The following NDUFAF6 variants were observed in gnomAD, a reference collection of about 807,000 sequenced individuals.
NDUFAF6 encodes the protein NADH:ubiquinone oxidoreductase complex assembly factor 6.
A neutral mutation model predicts 40.8 loss-of-function variants in NDUFAF6; 45 were observed. The observed-to-expected ratio is 1.10, with a 90% confidence interval of 0.87 to 1.42. NDUFAF6 has a LOEUF of 1.42. NDUFAF6 is among the 40% of genes most tolerant of loss of function. The pLI, the probability that NDUFAF6 is intolerant of heterozygous loss-of-function variation, is 0.00. For missense variants in NDUFAF6, 435 were observed against 418.5 expected (o/e 1.04, Z -0.34); for synonymous variants, 185 against 155.9 (o/e 1.19, Z -1.39).
chr8:94,970,329 TTAC>T (rs1824367010), intron 1 of NDUFAF6, among the ~76,000 whole-genome samples: 1 of 148,442 alleles, frequency 6.7e-6, no homozygotes, highest in Non-Finnish European at 1.5e-5. Flanking sequence ...TAGCAAAAAG[TTAC>T]TAATATCATT....
At chr8:94,978,497 C>T (rs1468959407) in intron 1 of NDUFAF6, among the ~76,000 whole-genome samples, 3 of 152,120 alleles carry the variant, frequency 2.0e-5, no homozygotes, top group Non-Finnish European at 2.9e-5. Context: ...GGGAGGATCA[C>T]TTGAGCCCAG....
chr8:95,006,656 G>A (rs1042295494), intron 2 of NDUFAF6, among the ~76,000 whole-genome samples: 1 of 151,958 alleles, frequency 6.6e-6, no homozygotes, highest in Admixed American at 6.6e-5. Flanking sequence ...TAAGGCGGGC[G>A]GATCGCTTGA....
intron 1 of NDUFAF6, among the ~76,000 whole-genome samples, chr8:94,972,645 C>G (rs1298831717): frequency 6.6e-6 from 1 of 150,968 alleles, no homozygotes; most frequent in African/African-American, 2.4e-5. Flanking sequence ...AATCTCAGCA[C>G]TTTGGGAGGA....
At chr8:95,015,110 G>A (rs1827385886) in intron 2 of NDUFAF6, among the ~76,000 whole-genome samples, 1 of 152,202 alleles carries the variant, frequency 6.6e-6, no homozygotes. Flanking sequence ...GGATGGATGA[G>A]CATTTACCAA....
intron 2 of NDUFAF6, among the ~76,000 whole-genome samples, chr8:94,987,742 G>A (rs1243308172): frequency 6.6e-6 from 1 of 152,102 alleles, no homozygotes; most frequent in African/African-American, 2.4e-5. Flanking sequence ...AGCAAGAGAT[G>A]AATTGCAAAA....
chr8:95,025,300 G>C lies in NDUFAF6; in HGVS notation c.197+95G>C, dbSNP rs1256773183. 3.3e-6 allele frequency: 4 copies of C among 1,229,026 alleles called. No individual in the cohort carries two copies. The Admixed American group carries it at 1.7e-4, about 52-fold the overall frequency. The allele number at this position is 1,229,026 out of a possible 1,614,324, so 76.1% of individuals were successfully genotyped here. On this transcript the variant is annotated intron_variant, in intron 1 of 8. Coordinates refer to ENST00000396124, the MANE Select transcript of NDUFAF6 (RefSeq NM_152416.4). ...GTCTGGCCTGACGTTTGAGCGAGCG[G>C]ACCGGCGCCTTCCTCGTGCCCCTCT... is the stretch of plus-strand genomic sequence containing the variant.
chr8:95,067,881 C>G (rs1384289886), intron 9 of NDUFAF6: 1 of 151,980 alleles, frequency 6.6e-6, no homozygotes, highest in Non-Finnish European at 1.5e-5. Context: ...ATGAAAGAAC[C>G]AGCTCCCTGT....
rs867638437 is a variant in NDUFAF6 at position 95,069,829 on chromosome 8, T to A, written c.*512-5804T>A. On this transcript the variant is annotated intron_variant and NMD_transcript_variant, in intron 9 of 9. Transcript: ENST00000520757. ...TATATATAAATATATATATATATAA[T>A]ATATATGTATAATATTATTTTTTTC... 2.9e-4 allele frequency among the ~76,000 whole-genome samples: 42 copies of A among 145,284 alleles called. 3 individuals carry two copies. The highest frequency in any genetic ancestry group is 7.3e-4 in the African/African-American group (29 of 39,518).
chr8:95,043,373 G>A lies in NDUFAF6; in HGVS notation c.477+1747G>A, dbSNP rs146540421. Reference sequence around the variant, plus strand: ...CGAAGTGCTGGGATTACAGGCTTGAGCCACCGCGCCCTAGGCAGTGGTTTT... The same window carrying A: ...CGAAGTGCTGGGATTACAGGCTTGAACCACCGCGCCCTAGGCAGTGGTTTT... On this transcript the variant is annotated intron_variant, in intron 4 of 8. Transcript: ENST00000396124. Among the ~76,000 whole-genome samples the A allele has an allele frequency of 1.4e-3, 209 of 152,034 alleles. 1 individual carries two copies. Among genetic ancestry groups the A allele is most frequent in the East Asian group, 0.011 (55 of 5,176 alleles).
intron 9 of NDUFAF6, chr8:95,075,585 A>G: frequency 7.8e-7 from 1 of 1,281,560 alleles, no homozygotes; most frequent in Non-Finnish European, 1.0e-6. Context: ...GTTTCCCTAG[A>G]ATTTTCTAGT....
At chr8:94,979,394 G>C (rs1444016895) in intron 1 of NDUFAF6, among the ~76,000 whole-genome samples, 4 of 152,130 alleles carry the variant, frequency 2.6e-5, no homozygotes, top group African/African-American at 9.7e-5. Flanking sequence ...AGCCTTTAAA[G>C]AGAGGGTCCT....
intron 1 of NDUFAF6, among the ~76,000 whole-genome samples, chr8:94,971,781 T>C (rs1586850231): frequency 1.3e-5 from 2 of 151,976 alleles, no homozygotes; most frequent in Admixed American, 1.3e-4. Flanking sequence ...CTACTAAAAA[T>C]GGAAAAATTG....
At chr8:94,985,478 TATA>T (rs1563770463) in intron 2 of NDUFAF6, among the ~76,000 whole-genome samples, 1 of 2,170 alleles carries the variant, frequency 4.6e-4, no homozygotes, top group Non-Finnish European at 1.2e-3. Flanking sequence ...TATATATATA[TATA>T]TATATATATA....
At chr8:95,005,093 C>A (rs981123972) in intron 2 of NDUFAF6, among the ~76,000 whole-genome samples, 2 of 152,110 alleles carry the variant, frequency 1.3e-5, no homozygotes, top group African/African-American at 4.8e-5. Flanking sequence ...CCAACTTTCC[C>A]ATCCAATCTT....
intron 1 of NDUFAF6, among the ~76,000 whole-genome samples, chr8:94,971,223 A>C (rs967857117): frequency 1.3e-5 from 2 of 152,354 alleles, no homozygotes; most frequent in South Asian, 2.1e-4. Context: ...GGCAATAGGA[A>C]ATTTTGGAGC....
intron 1 of NDUFAF6, among the ~76,000 whole-genome samples, chr8:94,960,865 G>C (rs897521155): frequency 2.0e-5 from 3 of 152,070 alleles, no homozygotes; most frequent in Admixed American, 6.5e-5. Flanking sequence ...TACCTTTTAC[G>C]GGTAGCTTTG....
chr8:95,095,074 C>T (rs114437548), intron 2 of NDUFAF6, among the ~76,000 whole-genome samples: 2,682 of 152,062 alleles, frequency 0.018, 90 homozygotes, highest in African/African-American at 0.062. Context: ...TATTGATCCT[C>T]ACCTAAGTCT....
At chr8:95,101,244 C>A (rs1053824499) in intron 2 of NDUFAF6, 1 of 152,166 alleles carries the variant, frequency 6.6e-6, no homozygotes, top group Non-Finnish European at 1.5e-5. Flanking sequence ...ACATAATGCA[C>A]AATGTTGCCC....
chr8:94,896,406 AG>A (rs1444494018), intron 1 of NDUFAF6: 1 of 151,962 alleles, frequency 6.6e-6, no homozygotes, highest in Non-Finnish European at 1.5e-5. Flanking sequence ...GTTTAAACTT[AG>A]GGGTCCCTTC....
Sources: gnomAD v4.1 joint callset for allele counts (sites outside exome capture counted in the v4.1 genomes callset) on GRCh38, gnomAD v4.1.1 for gene constraint, MANE v1.5 for transcripts, NCBI Gene and HGNC (gene_info 2026-07-23, HGNC 2026-07-21) for gene names.